Variants in SYT17 observed in about 807,000 individuals in gnomAD.
The protein encoded by SYT17 is synaptotagmin 17.
SYT17 carries 22 observed loss-of-function variants against 46.7 expected under a neutral mutation model. The ratio of observed to expected loss-of-function variants is 0.47; its 90% CI spans 0.34 to 0.67. SYT17 has a LOEUF of 0.67. Among genes scored for constraint, SYT17 ranks in the 30% least tolerant of loss-of-function variants. The probability of loss-of-function intolerance (pLI) is 0.01; values close to 1 mark genes in which losing one functional copy is unlikely to be tolerated. For missense variants in SYT17, 519 were observed against 612.8 expected (o/e 0.85, Z 1.62); for synonymous variants, 251 against 248.4 (o/e 1.01, Z -0.10).
intron 5 of SYT17, among the ~76,000 whole-genome samples, chr16:19,207,225 C>T (rs967188951): frequency 6.6e-6 from 1 of 152,194 alleles, no homozygotes; most frequent in Non-Finnish European, 1.5e-5. Flanking sequence ...GCTTCTTGTA[C>T]AGCCTGCAGG....
chr16:19,211,624 AT>A (rs10716359), intron 5 of SYT17, among the ~76,000 whole-genome samples: 29,150 of 143,286 alleles, frequency 0.2, 3,086 homozygotes, highest in Non-Finnish European at 0.26. Context: ...ACGATCTTGT[AT>A]TTTTTTTTTT....
At position 19,266,560 on chromosome 16, in the gene SYT17, G is replaced by A. The variant is rs1397859891; in HGVS notation, c.1229-320G>A. ...AGTGTGGTGATGCCGTGGGACATAC[G>A]TTTAAGGCTGCATATTGCAGGCGGT... On this transcript the variant is annotated intron_variant, in intron 7 of 7. Coordinates refer to ENST00000355377, the MANE Select transcript of SYT17 (RefSeq NM_016524.4). 3.3e-5 allele frequency among the ~76,000 whole-genome samples: 5 copies of A among 152,150 alleles called. No homozygotes were observed. In the East Asian group the frequency reaches 5.8e-4, roughly 18 times the overall value.
chr16:19,173,725 T>G, intron 3 of SYT17, 147 bp downstream of exon 3: 2 of 889,108 alleles, frequency 2.2e-6, no homozygotes, highest in Non-Finnish European at 3.4e-6. Context: ...ACAACTTTGC[T>G]GCAGACTGGG....
At chr16:19,172,694 T>C in intron 1 of SYT17, 66 bp from the exon 2 acceptor site, 2 of 1,602,388 alleles carry the variant, frequency 1.2e-6, no homozygotes, top group Non-Finnish European at 1.7e-6. Flanking sequence ...ACTGGTCTTG[T>C]CTCTCTTTCT....
intron 3 of SYT17, among the ~76,000 whole-genome samples, chr16:19,175,973 T>C (rs545024917): frequency 6.6e-6 from 1 of 152,304 alleles, no homozygotes; most frequent in South Asian, 2.1e-4. Flanking sequence ...CAGTCTCACG[T>C]AGGAGGTAAG....
At chr16:19,213,960 C>A (rs1190184399) in intron 5 of SYT17, among the ~76,000 whole-genome samples, 1 of 152,186 alleles carries the variant, frequency 6.6e-6, no homozygotes, top group South Asian at 2.1e-4. Flanking sequence ...TCACCTTTGG[C>A]ACTAGTGATA....
At chr16:19,249,102 G>A (rs868409022) in intron 7 of SYT17, among the ~76,000 whole-genome samples, 19 of 151,736 alleles carry the variant, frequency 1.3e-4, no homozygotes, top group Admixed American at 3.9e-4. Flanking sequence ...GTGAAACCCC[G>A]TCTCTACTAA....
intron 7 of SYT17, among the ~76,000 whole-genome samples, chr16:19,234,428 T>C (rs1018068571): frequency 6.6e-6 from 1 of 152,230 alleles, no homozygotes; most frequent in Admixed American, 6.5e-5. Flanking sequence ...TTCTCTGTTA[T>C]GAGCTTCCAA....
rs190016007 is a variant in SYT17, at chr16:19,176,249, C to T, written c.182+2671C>T. Among the ~76,000 whole-genome samples the T allele has an allele frequency of 1.3e-3, 197 of 152,252 alleles. No individual in the cohort carries two copies. The East Asian group carries it at 0.016, about 12-fold the overall frequency. On this transcript the variant is annotated intron_variant, in intron 3 of 7. Coordinates refer to ENST00000355377, the MANE Select transcript of SYT17 (RefSeq NM_016524.4). ...CATTCTGTTGCGGTTGCATAAAAAA[C>T]GAACAAACAAACAAAACAAAACCAG...
At chr16:19,258,466 C>A (rs1243006166) in intron 7 of SYT17, among the ~76,000 whole-genome samples, 2 of 151,888 alleles carry the variant, frequency 1.3e-5, no homozygotes, top group Non-Finnish European at 2.9e-5. Flanking sequence ...CATGGTGAAA[C>A]CCCGTCTCTA....
chr16:19,258,620 C>T (rs924488051), intron 7 of SYT17, among the ~76,000 whole-genome samples: 8 of 151,906 alleles, frequency 5.3e-5, no homozygotes, highest in South Asian at 2.1e-4. Flanking sequence ...CCAGCCTGGG[C>T]GACAGAGCAA....
At chr16:19,208,910 T>TTTTTTTTG (rs61188813) in intron 5 of SYT17, among the ~76,000 whole-genome samples, 1 of 142,050 alleles carries the variant, frequency 7.0e-6, no homozygotes, top group African/African-American at 2.8e-5. Context: ...TTTTTTTTTT[T>TTTTTTTTG]GAGACAGAGT....
rs138198761 is a variant in SYT17 at position 19,222,918 on chromosome 16, G to C, written c.952-127G>C. ...AGATGAAAAGAAGTCACACACAGAG[G>C]CTCCCACTGTCAACTGATGCGCTCA... is the stretch of plus-strand genomic sequence containing the variant. On this transcript the variant is annotated intron_variant, in intron 5 of 7. Transcript: ENST00000355377. 1.3e-3 allele frequency: 1,645 copies of C among 1,228,134 alleles called. 16 individuals carry two copies. In the African/African-American group the frequency reaches 0.022, roughly 16 times the overall value. The allele number at this position is 1,228,134 out of a possible 1,614,324, so 76.1% of individuals were successfully genotyped here. A position where few individuals can be genotyped will look rare whatever the true frequency, so the allele number is the denominator to read the frequency against.
intron 5 of SYT17, among the ~76,000 whole-genome samples, chr16:19,188,420 A>G (rs1316441490): frequency 1.3e-5 from 2 of 151,332 alleles, no homozygotes; most frequent in Non-Finnish European, 2.9e-5. Context: ...AATAATCTAT[A>G]CAACAATCTG....
chr16:19,173,554 T>G lies in SYT17; in HGVS notation c.158T>G (p.Phe53Cys). 1 of 1,614,066 alleles carries G rather than the reference T, an allele frequency of 6.2e-7. No homozygotes were observed. The highest frequency in any genetic ancestry group is 8.5e-7 in the Non-Finnish European group (1 of 1,180,018). The change falls in exon 3 of 8, where the codon TTC becomes TGC. Residue 53 changes from phenylalanine (F) to cysteine (C), a missense_variant. By Grantham distance (205) the Phe-to-Cys change is radical. Coordinates refer to ENST00000355377, the MANE Select transcript of SYT17 (RefSeq NM_016524.4). ...SEDEVEILGP[F>C]PAQTPPWLMA... ...GATGAAGTTGAAATTCTGGGACCTT[T>G]CCCTGCTCAGACCCCTCCCTGGCTG...
Position 19,205,770 on chromosome 16 carries a change from C to A in SYT17, c.952-17275C>A, listed in dbSNP as rs117475563. On this transcript the variant is annotated intron_variant, in intron 5 of 7. Transcript: ENST00000355377. ...GTGCTGGGATTATGGGCGTGAGCCA[C>A]TGCACCCAGCCCCTTGACTTTCCTT... is the stretch of plus-strand genomic sequence containing the variant. Among the ~76,000 whole-genome samples, 1,251 of 152,354 alleles carry A rather than the reference C, an allele frequency of 8.2e-3. 14 individuals carry two copies. The highest frequency in any genetic ancestry group is 0.011 in the Non-Finnish European group (722 of 68,032).
chr16:19,208,087 C>T (rs924609059), intron 5 of SYT17, among the ~76,000 whole-genome samples: 2 of 152,036 alleles, frequency 1.3e-5, no homozygotes, highest in Non-Finnish European at 2.9e-5. Flanking sequence ...AAAGTATGAA[C>T]CAATGAAGGC....
Position 19,204,163 on chromosome 16 carries a change from G to A in SYT17, c.952-18882G>A, listed in dbSNP as rs141134609. Among the ~76,000 whole-genome samples the A allele has an allele frequency of 3.2e-3, 484 of 152,204 alleles. 1 individual carries two copies. The highest frequency in any genetic ancestry group is 3.0e-3 in the Non-Finnish European group (204 of 68,014). On this transcript the variant is annotated intron_variant, in intron 5 of 7. Coordinates refer to ENST00000355377, the MANE Select transcript of SYT17 (RefSeq NM_016524.4). ...TGGACCATTCTGTGTTGTAGATGCC[G>A]TCCTGTGGGCAGCACCCCTGGCCCC...
intron 7 of SYT17, among the ~76,000 whole-genome samples, chr16:19,234,001 T>C (rs1398551478): frequency 6.6e-6 from 1 of 152,186 alleles, no homozygotes; most frequent in African/African-American, 2.4e-5. Flanking sequence ...GAGTATGGAT[T>C]GGAGTGAGCT....
Sources: allele counts gnomAD v4.1 joint callset (sites outside exome capture counted in the v4.1 genomes callset), GRCh38; gene constraint gnomAD v4.1.1; transcripts MANE v1.5; gene names NCBI Gene and HGNC (gene_info 2026-07-23, HGNC 2026-07-21).